The following ANKS1B variants were observed in gnomAD, a reference collection of about 807,000 sequenced individuals.
ANKS1B encodes ankyrin repeat and sterile alpha motif domain containing 1B, also known as ankyrin repeat and sterile alpha motif domain-containing protein 1B.
ANKS1B carries 36 observed loss-of-function variants against 148.3 expected under a neutral mutation model. The ratio of observed to expected loss-of-function variants is 0.24; its 90% confidence interval spans 0.19 to 0.32. The LOEUF (loss-of-function observed/expected upper bound fraction) is 0.32, where lower values mean the gene tolerates loss of function less well. Among genes scored for constraint, ANKS1B ranks in the 10% least tolerant of loss-of-function variants. The pLI is 1.00. For missense variants in ANKS1B, 1,157 were observed against 1,542.6 expected, an observed-to-expected ratio of 0.75 and a Z score of 4.19; for synonymous variants, 542 against 560.8, an observed-to-expected ratio of 0.97 and a Z score of 0.47.
At chr12:98,794,679 T>A in intron 22 of ANKS1B, 1 of 921,920 alleles carries the variant, frequency 1.1e-6, no homozygotes, top group Non-Finnish European at 1.8e-6. Flanking sequence ...GAGCTTACAG[T>A]GGATAATTCA....
chr12:99,073,440 A>G (rs1565900245), intron 16 of ANKS1B, among the ~76,000 whole-genome samples: 1 of 152,202 alleles, frequency 6.6e-6, no homozygotes, highest in Non-Finnish European at 1.5e-5. Flanking sequence ...CAGATTAAGA[A>G]GGAAAATAAA....
intron 17 of ANKS1B, among the ~76,000 whole-genome samples, chr12:98,853,799 A>C (rs1039606865): frequency 7.2e-5 from 11 of 152,216 alleles, no homozygotes; most frequent in African/African-American, 2.2e-4. Context: ...TGTCAACTCT[A>C]TTCAGCCCAG....
At chr12:99,829,885 A>AT (rs536834762) in intron 1 of ANKS1B, among the ~76,000 whole-genome samples, 125 of 152,184 alleles carry the variant, frequency 8.2e-4, no homozygotes, top group African/African-American at 2.9e-3. Flanking sequence ...AAAAATAAAA[A>AT]TAAAAAAAAG....
chr12:99,113,818 T>C (rs1449669865), intron 15 of ANKS1B, among the ~76,000 whole-genome samples: 2 of 152,220 alleles, frequency 1.3e-5, no homozygotes, highest in African/African-American at 4.8e-5. Context: ...TAACTAGGAG[T>C]GTATAACTCT....
chr12:99,625,784 TAGAGGTTTTGCTTATCAC>T (rs2098106675), intron 9 of ANKS1B, among the ~76,000 whole-genome samples: 1 of 152,002 alleles, frequency 6.6e-6, no homozygotes, highest in African/African-American at 2.4e-5. Flanking sequence ...GATGAGAATA[TAGAGGTTTTGCTTATCAC>T]AGAGAGTAGT....
intron 17 of ANKS1B, among the ~76,000 whole-genome samples, chr12:98,885,841 C>T (rs915456117): frequency 3.3e-5 from 5 of 152,074 alleles, no homozygotes; most frequent in African/African-American, 4.8e-5. Flanking sequence ...TGGATAGATC[C>T]AAGCAATAAA....
intron 17 of ANKS1B, among the ~76,000 whole-genome samples, chr12:98,854,023 C>T (rs1241305330): frequency 6.6e-6 from 1 of 152,200 alleles, no homozygotes; most frequent in Non-Finnish European, 1.5e-5. Flanking sequence ...GGGCCCACCC[C>T]TCTGGACTCA....
At chr12:99,722,625 G>A (rs1329796676) in intron 8 of ANKS1B, among the ~76,000 whole-genome samples, 1 of 152,204 alleles carries the variant, frequency 6.6e-6, no homozygotes, top group Admixed American at 6.5e-5. Context: ...TGTACAAGGA[G>A]ACTAATGTTT....
intron 10 of ANKS1B, among the ~76,000 whole-genome samples, chr12:99,445,438 C>A (rs1052887850): frequency 6.6e-6 from 1 of 151,902 alleles, no homozygotes; most frequent in African/African-American, 2.4e-5. Context: ...GAGTATACAT[C>A]ATCATTATAT....
intron 1 of ANKS1B, among the ~76,000 whole-genome samples, chr12:99,934,936 A>T (rs2094721544): frequency 6.6e-6 from 1 of 152,168 alleles, no homozygotes; most frequent in South Asian, 2.1e-4. Flanking sequence ...CCTTTGGGTC[A>T]GAGGACTGGG....
At chr12:99,784,362 T>C (rs11110036) in intron 4 of ANKS1B, among the ~76,000 whole-genome samples, 80,389 of 151,670 alleles carry the variant, frequency 0.53, 21,472 homozygotes, top group East Asian at 0.6. Flanking sequence ...TTAGTAGAGA[T>C]GGGGTTTCAT....
At chr12:98,956,612 T>C (rs1045577128) in intron 17 of ANKS1B, among the ~76,000 whole-genome samples, 1 of 151,950 alleles carries the variant, frequency 6.6e-6, no homozygotes, top group African/African-American at 2.4e-5. Context: ...GTTAACTTAT[T>C]CATTCAATTT....
chr12:99,700,320 G>A (rs1042043241), intron 8 of ANKS1B, among the ~76,000 whole-genome samples: 3 of 152,230 alleles, frequency 2.0e-5, no homozygotes, highest in Admixed American at 6.5e-5. Flanking sequence ...CATACCCATA[G>A]GGGTGAGTTC....
chr12:99,419,372 G>A lies in ANKS1B; in HGVS notation c.1576-19561C>T, dbSNP rs78786307. On this transcript the variant is annotated intron_variant, in intron 11 of 26. Coordinates refer to ENST00000683438, the MANE Select transcript of ANKS1B (RefSeq NM_001352186.2). ...ATAATTGATCCATTTTAGCTAAGTTGTCAAATTTATGTATGTAGAATAGTT... is the reference window on the plus strand; with the variant it reads ...ATAATTGATCCATTTTAGCTAAGTTATCAAATTTATGTATGTAGAATAGTT... Among the ~76,000 whole-genome samples, 323 of 152,204 alleles carry A rather than the reference G, an allele frequency of 2.1e-3. 1 individual carries two copies. The highest frequency in any genetic ancestry group is 3.0e-3 in the Non-Finnish European group (207 of 67,994).
chr12:99,114,104 C>T (rs899146868), intron 15 of ANKS1B, among the ~76,000 whole-genome samples: 1 of 152,108 alleles, frequency 6.6e-6, no homozygotes, highest in Admixed American at 6.6e-5. Context: ...TTTGTGATAA[C>T]CTCAGAGTAG....
intron 9 of ANKS1B, among the ~76,000 whole-genome samples, chr12:99,632,435 C>T (rs1170011678): frequency 6.6e-6 from 1 of 151,816 alleles, no homozygotes; most frequent in Non-Finnish European, 1.5e-5. Flanking sequence ...TAGGGCAGTA[C>T]CTAGTGGAGC....
Position 99,478,908 on chromosome 12 carries a change from T to C in ANKS1B, c.1438+25568A>G, listed in dbSNP as rs558031988. On this transcript the variant is annotated intron_variant, in intron 10 of 26. Coordinates refer to ENST00000683438, the MANE Select transcript of ANKS1B (RefSeq NM_001352186.2). ...GTGAGCCACATATGTAACTTTAAAT[T>C]TTCTAATACCCATATTAAAACTTTT... is the stretch of plus-strand genomic sequence containing the variant. Among the ~76,000 whole-genome samples the C allele has an allele frequency of 2.0e-5, 3 of 152,212 alleles. No individual in the cohort carries two copies. The South Asian group carries it at 6.2e-4, about 32-fold the overall frequency.
intron 17 of ANKS1B, among the ~76,000 whole-genome samples, chr12:99,036,509 T>C (rs2099955676): frequency 1.3e-5 from 2 of 152,238 alleles, no homozygotes; most frequent in Non-Finnish European, 2.9e-5. Context: ...TGCCATCACA[T>C]GGTTGTCATA....
At chr12:98,925,671 A>G (rs116634342) in intron 17 of ANKS1B, among the ~76,000 whole-genome samples, 6 of 152,316 alleles carry the variant, frequency 3.9e-5, no homozygotes, top group African/African-American at 1.4e-4. Context: ...CTTGAAAATC[A>G]ACAGCTTTGC....
Sources: allele counts gnomAD v4.1 joint callset (sites outside exome capture counted in the v4.1 genomes callset), GRCh38; gene constraint gnomAD v4.1.1; transcripts MANE v1.5; gene names NCBI Gene and HGNC (gene_info 2026-07-23, HGNC 2026-07-21).